Variants in UMAD1 observed in about 807,000 individuals in gnomAD.
The protein encoded by UMAD1 is UBAP1-MVB12-associated (UMA)-domain containing protein 1.
Under a neutral mutation model 6.1 loss-of-function variants are expected in UMAD1, and 8 were observed. That is an observed-to-expected ratio of 1.30 (90% CI 0.76 to 2.35). The LOEUF is 2.35. UMAD1 is among the 30% of genes most tolerant of loss of function. UMAD1 has a pLI of 0.00. For synonymous variants in UMAD1, 56 were observed against 31.4 expected, an observed-to-expected ratio of 1.78 and a Z score of -2.61; for missense variants, 130 against 78.4, an observed-to-expected ratio of 1.66 and a Z score of -2.49.
intron 2 of UMAD1, among the ~76,000 whole-genome samples, chr7:7,779,736 C>A (rs13239971): frequency 0.26 from 39,505 of 152,086 alleles, 6,265 homozygotes; most frequent in Middle Eastern, 0.35. Flanking sequence ...CCTCCACCTC[C>A]TGTGCTCAAG....
At chr7:7,844,170 C>T (rs1021036661) in intron 3 of UMAD1, among the ~76,000 whole-genome samples, 1 of 152,176 alleles carries the variant, frequency 6.6e-6, no homozygotes, top group Non-Finnish European at 1.5e-5. Context: ...AAGAGGCTGG[C>T]ACAGCATTTC....
chr7:7,647,182 T>C (rs1785117731), intron 1 of UMAD1, among the ~76,000 whole-genome samples: 1 of 152,244 alleles, frequency 6.6e-6, no homozygotes, highest in Admixed American at 6.5e-5. Context: ...CACAAGTTTT[T>C]ATAAGCAGGT....
intron 1 of UMAD1, among the ~76,000 whole-genome samples, chr7:7,654,014 G>A (rs540402843): frequency 3.3e-5 from 5 of 152,318 alleles, no homozygotes; most frequent in Non-Finnish European, 5.9e-5. Flanking sequence ...ATTGAGGGGA[G>A]ACTTTATTAT....
intron 3 of UMAD1, among the ~76,000 whole-genome samples, chr7:7,846,079 G>T (rs968934328): frequency 6.6e-6 from 1 of 152,050 alleles, no homozygotes; most frequent in Non-Finnish European, 1.5e-5. Flanking sequence ...GAACAGTGTC[G>T]AGTAGTGCTG....
intron 2 of UMAD1, among the ~76,000 whole-genome samples, chr7:7,696,101 G>C (rs915895148): frequency 6.6e-6 from 1 of 151,260 alleles, no homozygotes; most frequent in Middle Eastern, 3.4e-3. Context: ...TACCTCCTGG[G>C]TTCAAGCGAT....
chr7:7,744,803 T>C (rs771273871), intron 2 of UMAD1, among the ~76,000 whole-genome samples: 16 of 152,204 alleles, frequency 1.1e-4, no homozygotes, highest in Non-Finnish European at 1.8e-4. Flanking sequence ...GAGTTCTTTA[T>C]ATAGTCTAGA....
intron 2 of UMAD1, among the ~76,000 whole-genome samples, chr7:7,730,740 A>C (rs954002406): frequency 3.9e-5 from 6 of 152,234 alleles, no homozygotes; most frequent in African/African-American, 1.4e-4. Flanking sequence ...AAAACCCTCA[A>C]AATCTGCCAA....
chr7:7,663,507 C>T lies in UMAD1; in HGVS notation c.-63-9802C>T, dbSNP rs532107428. Among the ~76,000 whole-genome samples the T allele has an allele frequency of 3.9e-5, 6 of 152,058 alleles. No homozygotes were observed. The South Asian group carries it at 6.2e-4, about 16-fold the overall frequency. The stretch of plus-strand genomic sequence containing the variant: ...TACAAAATAAAAAACCTAGGTGGGA[C>T]GGAAAAACAGGGGGAGAGTCTTTAT... On this transcript the variant is annotated intron_variant, in intron 1 of 3. Coordinates refer to ENST00000682710, the MANE Select transcript of UMAD1 (RefSeq NM_001302348.2).
intron 2 of UMAD1, among the ~76,000 whole-genome samples, chr7:7,757,493 G>A (rs1781800217): frequency 6.6e-6 from 1 of 152,170 alleles, no homozygotes; most frequent in South Asian, 2.1e-4. Flanking sequence ...GTTGCAGAAG[G>A]AGAAATACTT....
intron 3 of UMAD1, among the ~76,000 whole-genome samples, chr7:7,872,695 C>G (rs1000862227): frequency 6.6e-6 from 1 of 152,160 alleles, no homozygotes; most frequent in African/African-American, 2.4e-5. Context: ...CTATGAAGTA[C>G]CGTAAAGCAA....
At chr7:7,821,174 C>T (rs1783235283) in intron 3 of UMAD1, among the ~76,000 whole-genome samples, 1 of 151,888 alleles carries the variant, frequency 6.6e-6, no homozygotes, top group African/African-American at 2.4e-5. Flanking sequence ...ACAAAGCTTT[C>T]CCCCCACCCC....
At chr7:7,749,653 T>A (rs1668975097) in intron 2 of UMAD1, among the ~76,000 whole-genome samples, 1 of 152,158 alleles carries the variant, frequency 6.6e-6, no homozygotes, top group Admixed American at 6.5e-5. Flanking sequence ...ACTCTCATAT[T>A]TTTCTAAAAT....
At chr7:7,644,686 T>A (rs1035425984) in intron 1 of UMAD1, among the ~76,000 whole-genome samples, 3 of 152,216 alleles carry the variant, frequency 2.0e-5, no homozygotes, top group Non-Finnish European at 4.4e-5. Flanking sequence ...GTGGAGTCAA[T>A]TCTATTCTAT....
At chr7:7,689,085 A>G (rs764233935) in intron 2 of UMAD1, among the ~76,000 whole-genome samples, 1 of 152,028 alleles carries the variant, frequency 6.6e-6, no homozygotes. Context: ...AGGAGAGCCA[A>G]CCTTATTCCC....
rs1779962924 is a variant in UMAD1 at position 7,683,527 on chromosome 7, C to T, written c.82+10074C>T. On this transcript the variant is annotated intron_variant, in intron 2 of 3. Transcript: ENST00000682710. ...AAAAGCAAATAAAACCACAGAATTTCTGGGTAATTACATTTCCTTCAATAT... is the reference window on the plus strand; with the variant it reads ...AAAAGCAAATAAAACCACAGAATTTTTGGGTAATTACATTTCCTTCAATAT... Among the ~76,000 whole-genome samples, 10 of 152,098 alleles carry T rather than the reference C, an allele frequency of 6.6e-5. 1 individual carries two copies. The South Asian group carries it at 2.1e-3, about 32-fold the overall frequency.
At chr7:7,847,107 ATATATAT>A (rs1783817043) in intron 3 of UMAD1, among the ~76,000 whole-genome samples, 1 of 4,878 alleles carries the variant, frequency 2.1e-4, no homozygotes, top group African/African-American at 1.6e-3. Flanking sequence ...AAAAAAAAAT[ATATATAT>A]ATATATATAT....
chr7:7,710,816 A>T (rs78882903), intron 2 of UMAD1, among the ~76,000 whole-genome samples: 2,770 of 152,318 alleles, frequency 0.018, 90 homozygotes, highest in African/African-American at 0.063. Context: ...TGAATGGTTA[A>T]ATCTATGGTA....
chr7:7,784,237 G>A (rs1285131069), intron 2 of UMAD1, among the ~76,000 whole-genome samples: 1 of 151,818 alleles, frequency 6.6e-6, no homozygotes, highest in East Asian at 1.9e-4. Flanking sequence ...ACTTAATAAA[G>A]TTATTGGAAA....
At chr7:7,789,404 A>C (rs2115262183) in intron 2 of UMAD1, among the ~76,000 whole-genome samples, 1 of 150,070 alleles carries the variant, frequency 6.7e-6, no homozygotes, top group South Asian at 2.1e-4. Context: ...AACAAAACTA[A>C]AATTGAAAAA....
Sources: allele counts gnomAD v4.1 joint callset (sites outside exome capture counted in the v4.1 genomes callset), GRCh38; gene constraint gnomAD v4.1.1; transcripts MANE v1.5; gene names NCBI Gene and HGNC (gene_info 2026-07-23, HGNC 2026-07-21).